The following PCDHGA5 variants were observed in gnomAD, a reference collection of about 807,000 sequenced individuals.
PCDHGA5 encodes protocadherin gamma subfamily A, 5.
In PCDHGA5, 36 loss-of-function variants were observed where a neutral mutation model predicts 56.7. The observed-to-expected ratio is 0.64, with a 90% confidence interval of 0.49 to 0.84. The LOEUF (loss-of-function observed/expected upper bound fraction) is 0.84. Ranked by LOEUF, PCDHGA5 falls within the 40% of genes least tolerant of loss-of-function variation. PCDHGA5 has a pLI of 0.00. For synonymous variants in PCDHGA5, 563 were observed against 520.2 expected (o/e 1.08, Z -1.12); for missense variants, 1,305 against 1,201.5 (o/e 1.09, Z -1.27).
rs769232324 is a variant in PCDHGA5, at chr5:141,423,034, G to T, written c.2421+56283G>T. 4 of 1,614,082 alleles carry T rather than the reference G, an allele frequency of 2.5e-6. No individual in the cohort carries two copies. In the African/African-American group the frequency reaches 4.0e-5, roughly 16 times the overall value. On this transcript the variant is annotated intron_variant, in intron 1 of 3. Coordinates refer to ENST00000518069, the MANE Select transcript of PCDHGA5 (RefSeq NM_018918.3). ...GGTGGACAAAGATTCAGGCCAGAAC[G>T]CCTGGCTGTCCTATCGCCTGCTTAA...
At chr5:141,423,591 A>G in intron 1 of PCDHGA5, 1 of 1,613,312 alleles carries the variant, frequency 6.2e-7, no homozygotes, top group South Asian at 1.1e-5. Context: ...GCTGTGAGAA[A>G]AGCGAGCCAC....
At chr5:141,413,195 G>A (rs771456948) in intron 1 of PCDHGA5, 2 of 1,610,846 alleles carry the variant, frequency 1.2e-6, no homozygotes, top group Admixed American at 1.7e-5. Context: ...CAAAGGAATC[G>A]CTCAAAGGAA....
intron 1 of PCDHGA5, chr5:141,419,239 C>T (rs374093302): frequency 3.7e-6 from 6 of 1,614,008 alleles, no homozygotes; most frequent in East Asian, 2.2e-5. Context: ...ACCTGGTCCA[C>T]GTGCCAGAAA....
At chr5:141,421,926 C>A in intron 1 of PCDHGA5, 1 of 1,613,460 alleles carries the variant, frequency 6.2e-7, no homozygotes, top group Non-Finnish European at 8.5e-7. Flanking sequence ...GTGTGGTGGT[C>A]CTCGATGTAA....
intron 1 of PCDHGA5, among the ~76,000 whole-genome samples, chr5:141,465,335 T>C (rs1222292569): frequency 6.6e-6 from 1 of 152,186 alleles, no homozygotes; most frequent in African/African-American, 2.4e-5. Context: ...ATTTTTTATA[T>C]TGGTTACTGA....
rs759647406 is a variant in PCDHGA5 at position 141,493,849 on chromosome 5, A to G, written c.2422-958A>G. Among the ~76,000 whole-genome samples the G allele has an allele frequency of 6.6e-6, 1 of 152,178 alleles. No individual in the cohort carries two copies. The highest frequency in any genetic ancestry group is 1.5e-5 in the Non-Finnish European group (1 of 68,028). ...CTGGGAGCAAGTATGAGTATTAATT[A>G]CCAGCCCACCCCAGAACCAGTGAGG... On this transcript the variant is annotated intron_variant, in intron 1 of 3. Coordinates refer to ENST00000518069, the MANE Select transcript of PCDHGA5 (RefSeq NM_018918.3). The surrounding 1 kb of genome is among the most constrained non-coding windows in gnomAD (Gnocchi z 4.3).
intron 1 of PCDHGA5, chr5:141,404,627 G>A: frequency 6.2e-7 from 1 of 1,614,144 alleles, no homozygotes; most frequent in Non-Finnish European, 8.5e-7. Context: ...GAATGACAAT[G>A]CCCCAGAAAT....
intron 1 of PCDHGA5, chr5:141,430,984 C>A (rs765063685): frequency 6.2e-7 from 1 of 1,613,648 alleles, no homozygotes; most frequent in South Asian, 1.1e-5. Flanking sequence ...CGCAGCTTTT[C>A]GCCCTGAATC....
intron 1 of PCDHGA5, chr5:141,370,892 G>C: frequency 6.2e-7 from 1 of 1,613,936 alleles, no homozygotes; most frequent in Non-Finnish European, 8.5e-7. Flanking sequence ...GTGTCAATTC[G>C]CTGCAGCAGT....
At chr5:141,445,134 A>T (rs900226020) in intron 1 of PCDHGA5, among the ~76,000 whole-genome samples, 1 of 152,198 alleles carries the variant, frequency 6.6e-6, no homozygotes, top group East Asian at 1.9e-4. Context: ...TTAAAATTGT[A>T]TCTTCTAATT....
chr5:141,482,000 G>A (rs1421859839), intron 1 of PCDHGA5, among the ~76,000 whole-genome samples: 8 of 150,854 alleles, frequency 5.3e-5, no homozygotes, highest in East Asian at 1.9e-4. Flanking sequence ...CAGGAGAATC[G>A]CTTTATCTCA....
chr5:141,494,434 T>A (rs976526647), intron 1 of PCDHGA5, among the ~76,000 whole-genome samples: 2 of 152,166 alleles, frequency 1.3e-5, no homozygotes, highest in Middle Eastern at 3.2e-3. Flanking sequence ...AAAAGCCTCC[T>A]TTGCCACTTT....
At chr5:141,405,027 A>G (rs1402992376) in intron 1 of PCDHGA5, 1 of 1,613,252 alleles carries the variant, frequency 6.2e-7, no homozygotes, top group Non-Finnish European at 8.5e-7. Context: ...CTTACCCTCT[A>G]CCTCGTTGTG....
intron 1 of PCDHGA5, chr5:141,384,244 C>A (rs768651416): frequency 1.2e-5 from 20 of 1,613,710 alleles, no homozygotes; most frequent in Non-Finnish European, 1.7e-5. Flanking sequence ...CAACGATAAC[C>A]CACCCACCTT....
At chr5:141,414,918 G>A (rs1316323072) in intron 1 of PCDHGA5, 2 of 1,614,180 alleles carry the variant, frequency 1.2e-6, no homozygotes, top group Admixed American at 3.3e-5. Flanking sequence ...GCGTGGAGCT[G>A]GCGCCCCGCT....
intron 1 of PCDHGA5, chr5:141,427,774 G>T: frequency 1.4e-6 from 2 of 1,420,908 alleles, no homozygotes; most frequent in Non-Finnish European, 2.0e-6. Context: ...TTGGAGCTGC[G>T]GGCACTGTCG....
At chr5:141,380,354 T>G (rs1776410216) in intron 1 of PCDHGA5, among the ~76,000 whole-genome samples, 1 of 152,154 alleles carries the variant, frequency 6.6e-6, no homozygotes, top group Admixed American at 6.5e-5. Context: ...TTGTTGTTTG[T>G]TTTTTAGAAA....
Position 141,366,310 on chromosome 5 carries a change from C to A in PCDHGA5, c.1980C>A (p.Val660=). The change falls in exon 1 of 4, where the codon GTC becomes GTA. Residue 660 remains valine (V), a synonymous_variant. Coordinates refer to ENST00000518069, the MANE Select transcript of PCDHGA5 (RefSeq NM_018918.3). ...GQPPLSATFT[V]TVAVADRIPD... ...CCCCTCTGTCAGCCACCTTCACGGT[C>A]ACCGTTGCCGTGGCCGACAGGATCC... 1 of 1,613,772 alleles carries A rather than the reference C, an allele frequency of 6.2e-7. No individual in the cohort carries two copies. The highest frequency in any genetic ancestry group is 2.2e-5 in the East Asian group (1 of 44,884).
At chr5:141,478,269 A>G in intron 1 of PCDHGA5, 1 of 1,614,146 alleles carries the variant, frequency 6.2e-7, no homozygotes, top group Non-Finnish European at 8.5e-7. Flanking sequence ...TTCAAAGTTT[A>G]CAAGTGGAAG....
Sources: allele counts gnomAD v4.1 joint callset (sites outside exome capture counted in the v4.1 genomes callset), GRCh38; gene constraint gnomAD v4.1.1; non-coding constraint Gnocchi (gnomAD v3.1); transcripts MANE v1.5; gene names NCBI Gene and HGNC (gene_info 2026-07-23, HGNC 2026-07-21).